Variants in TTPAL observed in about 807,000 individuals in gnomAD.
TTPAL encodes the protein alpha tocopherol transfer protein like.
TTPAL carries 21 observed loss-of-function variants against 28.7 expected under a neutral mutation model. The observed-to-expected ratio is 0.73, with a 90% CI of 0.52 to 1.06. The LOEUF is 1.06. TTPAL is among the 50% of genes least tolerant of loss of function. TTPAL has a pLI of 0.00. For synonymous variants in TTPAL, 169 were observed against 171.9 expected, an observed-to-expected ratio of 0.98 and a Z score of 0.13; for missense variants, 345 against 425.5, an observed-to-expected ratio of 0.81 and a Z score of 1.67.
In TTPAL at chr20:44,484,541, T is replaced by C; in HGVS notation, c.639+11T>C. On this transcript the variant is annotated intron_variant, in intron 3 of 4. Transcript: ENST00000262605. ...ATTGGCATCCTCCAGGTAAGACCCG[T>C]ATGTGTCCTGCCTGTTTCGTGGTGG... The C allele has an allele frequency of 6.5e-7, 1 of 1,543,648 alleles. No homozygotes were observed. Among genetic ancestry groups the C allele is most frequent in the Non-Finnish European group, 8.9e-7 (1 of 1,128,150 alleles).
chr20:44,477,843 C>G (rs561225670), intron 1 of TTPAL, among the ~76,000 whole-genome samples: 1 of 152,144 alleles, frequency 6.6e-6, no homozygotes, highest in East Asian at 1.9e-4. Flanking sequence ...TTAGTAGAGA[C>G]AGGGTTTCAC....
Position 44,493,805 on chromosome 20 carries a change from G to T in TTPAL, c.*4264G>T, listed in dbSNP as rs527884495. The T allele has an allele frequency of 1.3e-5, 2 of 152,236 alleles. No homozygotes were observed. Among genetic ancestry groups the T allele is most frequent in the African/African-American group, 2.4e-5 (1 of 41,392 alleles). 9.4% of individuals were successfully genotyped at this position (152,236 alleles called of 1,614,324 possible). The stretch of plus-strand genomic sequence containing the variant: ...ATCCTAGAACTTTGGGAGGCTGAAG[G>T]GGGGGCGGATCATTTGAGGTCAGGA... On this transcript the variant is annotated 3_prime_UTR_variant, in exon 5 of 5. Coordinates refer to ENST00000262605, the MANE Select transcript of TTPAL (RefSeq NM_001039199.3).
rs964400074 is a variant in TTPAL, at chr20:44,493,327, C to G, written c.*3786C>G. The G allele has an allele frequency of 6.6e-6, 1 of 152,124 alleles. No homozygotes were observed. Among genetic ancestry groups the G allele is most frequent in the African/African-American group, 2.4e-5 (1 of 41,386 alleles). 9.4% of individuals were successfully genotyped at this position (152,124 alleles called of 1,614,324 possible). On this transcript the variant is annotated 3_prime_UTR_variant, in exon 5 of 5. Coordinates refer to ENST00000262605, the MANE Select transcript of TTPAL (RefSeq NM_001039199.3). ...TCAGGTTACAAAACACCATTTTTCCCGAAATAAGACAATAAGAGGCTTTTC... is the reference window on the plus strand; with the variant it reads ...TCAGGTTACAAAACACCATTTTTCCGGAAATAAGACAATAAGAGGCTTTTC...
rs2064188252 is a variant in TTPAL, at chr20:44,489,799, C to G, written c.*258C>G. On this transcript the variant is annotated 3_prime_UTR_variant, in exon 5 of 5. Coordinates refer to ENST00000262605, the MANE Select transcript of TTPAL (RefSeq NM_001039199.3). ...CAGTCTGCAACTATTAATCTGGAGG[C>G]TATATCTATTTTGTTTTGCTTTTTG... 4.4e-6 allele frequency: 2 copies of G among 456,262 alleles called. No homozygotes were observed. Among genetic ancestry groups the G allele is most frequent in the Non-Finnish European group, 7.8e-6 (2 of 257,558 alleles). 28.3% of individuals were successfully genotyped at this position (456,262 alleles called of 1,614,324 possible). A position where few individuals can be genotyped will look rare whatever the true frequency, so the allele number is the denominator to read the frequency against.
chr20:44,478,378 C>T (rs931302398), intron 1 of TTPAL, among the ~76,000 whole-genome samples: 1 of 152,220 alleles, frequency 6.6e-6, no homozygotes, highest in Non-Finnish European at 1.5e-5. Context: ...TTAGAGGAGT[C>T]CTATGTCTCA....
At chr20:44,485,148 G>C (rs888712599) in intron 3 of TTPAL, among the ~76,000 whole-genome samples, 24 of 152,154 alleles carry the variant, frequency 1.6e-4, no homozygotes, top group Non-Finnish European at 2.5e-4. Context: ...AAGAAATTAT[G>C]CTTCTGCGTA....
At chr20:44,486,462 G>A (rs1156851553) in intron 3 of TTPAL, 134 bp from the exon 4 acceptor site, 3 of 606,914 alleles carry the variant, frequency 4.9e-6, no homozygotes, top group Non-Finnish European at 2.9e-6. Flanking sequence ...TAGGCCCCAC[G>A]TGGACTGTCA....
intron 2 of TTPAL, among the ~76,000 whole-genome samples, chr20:44,483,029 T>G (rs1034080875): frequency 2.0e-5 from 3 of 152,118 alleles, no homozygotes; most frequent in Non-Finnish European, 4.4e-5. Flanking sequence ...AGCTAATTTT[T>G]GTATTTTCAG....
intron 4 of TTPAL, among the ~76,000 whole-genome samples, chr20:44,488,934 C>G (rs59873257): frequency 0.022 from 3,336 of 152,200 alleles, 120 homozygotes; most frequent in African/African-American, 0.076. Flanking sequence ...TGCAGAGGGA[C>G]AAGAGTGGGA....
intron 1 of TTPAL, chr20:44,478,716 C>T (rs1040989660): frequency 2.6e-5 from 4 of 152,168 alleles, no homozygotes; most frequent in Admixed American, 6.5e-5. Context: ...AGTTTAAAAA[C>T]GTGATTTTCT....
chr20:44,484,528 C>T lies in TTPAL; in HGVS notation c.637C>T (p.Gln213Ter), dbSNP rs2064134904. 1 of 1,564,216 alleles carries T rather than the reference C, an allele frequency of 6.4e-7. No individual in the cohort carries two copies. The highest frequency in any genetic ancestry group is 1.7e-5 in the Admixed American group (1 of 59,378). Reference sequence around the variant, plus strand: ...AGCCAAAAAGGTGATTGGCATCCTCCAGGTAAGACCCGTATGTGTCCTGCC... The same window carrying T: ...AGCCAAAAAGGTGATTGGCATCCTCTAGGTAAGACCCGTATGTGTCCTGCC... ...FIAKKVIGIL[Q>*]DGFPIRIKAV... The change falls in exon 3 of 5, where the codon CAG becomes TAG. Residue 213 changes from glutamine to a stop codon, truncating the protein, a stop_gained and splice_region_variant. Coordinates refer to ENST00000262605, the MANE Select transcript of TTPAL (RefSeq NM_001039199.3). LOFTEE classifies it high-confidence loss of function.
At chr20:44,476,395 C>G (rs974728061) in intron 1 of TTPAL, among the ~76,000 whole-genome samples, 1 of 152,176 alleles carries the variant, frequency 6.6e-6, no homozygotes, top group African/African-American at 2.4e-5. Flanking sequence ...CCTGGAGAGT[C>G]AACATGAAGC....
rs2064187129 is a variant in TTPAL, at chr20:44,489,676, T to A, written c.*135T>A. On this transcript the variant is annotated 3_prime_UTR_variant, in exon 5 of 5. Transcript: ENST00000262605. ...CAGGATGGAGGAACAGCCTGAGATATGAGCATGAGCCCATTTTGGGGTAAG... is the reference window on the plus strand; with the variant it reads ...CAGGATGGAGGAACAGCCTGAGATAAGAGCATGAGCCCATTTTGGGGTAAG... 2.1e-6 allele frequency: 2 copies of A among 975,586 alleles called. No individual in the cohort carries two copies. The highest frequency in any genetic ancestry group is 1.7e-5 in the South Asian group (1 of 57,334). 60.4% of individuals were successfully genotyped at this position (975,586 alleles called of 1,614,324 possible).
At chr20:44,482,323 G>A (rs149727759) in intron 2 of TTPAL, among the ~76,000 whole-genome samples, 1 of 152,220 alleles carries the variant, frequency 6.6e-6, no homozygotes, top group Non-Finnish European at 1.5e-5. Context: ...TAAGGCAGGT[G>A]GATCATGAGG....
At chr20:44,476,937 T>G (rs2064049415) in intron 1 of TTPAL, among the ~76,000 whole-genome samples, 1 of 152,014 alleles carries the variant, frequency 6.6e-6, no homozygotes, top group African/African-American at 2.4e-5. Flanking sequence ...AAAAAAGAAA[T>G]AGGAACCCAG....
intron 1 of TTPAL, 134 bp from the exon 2 acceptor site, chr20:44,479,851 C>G (rs1199036467): frequency 5.4e-6 from 4 of 744,304 alleles, no homozygotes; most frequent in East Asian, 5.4e-5. Context: ...AGATCCAGTT[C>G]ATTGCCCCCA....
At chr20:44,487,452 C>G (rs1433711413) in intron 4 of TTPAL, among the ~76,000 whole-genome samples, 1 of 152,114 alleles carries the variant, frequency 6.6e-6, no homozygotes, top group African/African-American at 2.4e-5. Context: ...AGAACACTGT[C>G]TCTAAAATAA....
chr20:44,478,873 T>G (rs191353721), intron 1 of TTPAL, among the ~76,000 whole-genome samples: 1 of 152,312 alleles, frequency 6.6e-6, no homozygotes, highest in Non-Finnish European at 1.5e-5. Context: ...CACTGCAAGC[T>G]CTGCCTCCCG....
In TTPAL at chr20:44,493,121, A is replaced by G. The variant is rs1412924550; in HGVS notation, c.*3580A>G. The G allele has an allele frequency of 1.3e-5, 2 of 152,124 alleles. No individual in the cohort carries two copies. Among genetic ancestry groups the G allele is most frequent in the East Asian group, 3.8e-4 (2 of 5,214 alleles). The allele number at this position is 152,124 out of a possible 1,614,324, so 9.4% of individuals were successfully genotyped here. ...AACATGGTGAAACCCCGTCTCTACT[A>G]AAAATACAAAAAATTGGCTGGGCAT... On this transcript the variant is annotated 3_prime_UTR_variant, in exon 5 of 5. Transcript: ENST00000262605.
Sources: allele counts gnomAD v4.1 joint callset (sites outside exome capture counted in the v4.1 genomes callset), GRCh38; gene constraint gnomAD v4.1.1; transcripts MANE v1.5; gene names NCBI Gene and HGNC (gene_info 2026-07-23, HGNC 2026-07-21).